The following BLOC1S6 variants were observed in gnomAD, a reference collection of about 807,000 sequenced individuals.
The protein encoded by BLOC1S6 is biogenesis of lysosome-related organelles complex 1 subunit 6.
In BLOC1S6, 24 loss-of-function variants were observed where a neutral mutation model predicts 24.7. The observed-to-expected ratio is 0.97, with a 90% CI of 0.70 to 1.37. The LOEUF is 1.37. Among genes scored for constraint, BLOC1S6 ranks in the 40% most tolerant of loss-of-function variants. BLOC1S6 has a pLI of 0.00. For synonymous variants in BLOC1S6, 76 were observed against 72.6 expected (o/e 1.05, Z -0.23); for missense variants, 175 against 196.2 (o/e 0.89, Z 0.64).
chr15:45,606,834 G>T lies in BLOC1S6; in HGVS notation c.*320G>T. The T allele has an allele frequency of 6.8e-6, 2 of 295,982 alleles. No individual in the cohort carries two copies. Among genetic ancestry groups the T allele is most frequent in the South Asian group, 5.3e-5 (1 of 18,836 alleles). 18.3% of individuals were successfully genotyped at this position (295,982 alleles called of 1,614,324 possible). On this transcript the variant is annotated 3_prime_UTR_variant, in exon 5 of 5. Coordinates refer to ENST00000220531, the MANE Select transcript of BLOC1S6 (RefSeq NM_012388.4). The stretch of plus-strand genomic sequence containing the variant: ...GTTAAAAATTAGTATGAATTTTTTA[G>T]CTTCTTAATGAATATGGATTTAAAA...
At chr15:45,600,980 C>T (rs1894251098) in intron 2 of BLOC1S6, among the ~76,000 whole-genome samples, 1 of 152,150 alleles carries the variant, frequency 6.6e-6, no homozygotes. Flanking sequence ...GTGGGTCATT[C>T]ATTGTCCAAA....
In BLOC1S6 at chr15:45,606,968, A is replaced by G. The variant is rs912568636; in HGVS notation, c.*454A>G. The G allele has an allele frequency of 5.6e-6, 1 of 177,094 alleles. No individual in the cohort carries two copies. The highest frequency in any genetic ancestry group is 1.6e-4 in the East Asian group (1 of 6,222). 11.0% of individuals were successfully genotyped at this position (177,094 alleles called of 1,614,324 possible). A position where few individuals can be genotyped will look rare whatever the true frequency, so the allele number is the denominator to read the frequency against. Reference sequence around the variant, plus strand: ...GTTAAGAAGAAATGCCAGCTGTTTAATCACACCTACCCCTGGAAAAGAGGT... The same window carrying G: ...GTTAAGAAGAAATGCCAGCTGTTTAGTCACACCTACCCCTGGAAAAGAGGT... On this transcript the variant is annotated 3_prime_UTR_variant, in exon 5 of 5. Transcript: ENST00000220531.
chr15:45,589,300 A>G (rs1204847955), intron 1 of BLOC1S6, among the ~76,000 whole-genome samples: 1 of 152,248 alleles, frequency 6.6e-6, no homozygotes, highest in Non-Finnish European at 1.5e-5. Context: ...ATACGCAAAG[A>G]CAATTTCTGG....
At chr15:45,603,055 C>T (rs1341830529) in intron 2 of BLOC1S6, 45 bp from the exon 3 acceptor site, 10 of 1,336,702 alleles carry the variant, frequency 7.5e-6, no homozygotes, top group African/African-American at 1.4e-5. Context: ...TGGACCGGCA[C>T]TTTAAATATG....
intron 1 of BLOC1S6, 64 bp downstream of exon 1, chr15:45,587,589 T>A: frequency 6.9e-7 from 1 of 1,449,546 alleles, no homozygotes; most frequent in Non-Finnish European, 9.4e-7. Flanking sequence ...CCTGAGTGAG[T>A]AGAACTCCGG....
intron 2 of BLOC1S6, among the ~76,000 whole-genome samples, chr15:45,597,384 C>G (rs576540405): frequency 2.6e-5 from 4 of 152,088 alleles, no homozygotes; most frequent in Non-Finnish European, 5.9e-5. Flanking sequence ...GAGGCTGAGG[C>G]AGGGGATCCC....
intron 4 of BLOC1S6, among the ~76,000 whole-genome samples, chr15:45,606,160 G>C (rs1402624446): frequency 6.6e-6 from 1 of 151,992 alleles, no homozygotes; most frequent in African/African-American, 2.4e-5. Flanking sequence ...CTAATAGCTG[G>C]GCTGATAGGC....
chr15:45,592,980 C>T (rs1893938456), intron 2 of BLOC1S6, among the ~76,000 whole-genome samples: 1 of 152,140 alleles, frequency 6.6e-6, no homozygotes, highest in African/African-American at 2.4e-5. Flanking sequence ...GAGACCTACC[C>T]TTTGAAAACT....
At chr15:45,591,877 C>A in intron 1 of BLOC1S6, 1 of 449,850 alleles carries the variant, frequency 2.2e-6, no homozygotes, top group Non-Finnish European at 4.0e-6. Flanking sequence ...AAGAAGGATA[C>A]CTGTGGTTGG....
In BLOC1S6 at chr15:45,607,009, T is replaced by C. The variant is rs1894491835; in HGVS notation, c.*495T>C. ...GAAAAGAGGTAAACCTTTTGAACAG[T>C]TGAATTTCATCAGAAGCTCTATAGC... is the stretch of plus-strand genomic sequence containing the variant. On this transcript the variant is annotated 3_prime_UTR_variant, in exon 5 of 5. Transcript: ENST00000220531. The C allele has an allele frequency of 1.3e-5, 2 of 155,832 alleles. No homozygotes were observed. Among genetic ancestry groups the C allele is most frequent in the African/African-American group, 4.8e-5 (2 of 41,480 alleles). 9.7% of individuals were successfully genotyped at this position (155,832 alleles called of 1,614,324 possible). A position where few individuals can be genotyped will look rare whatever the true frequency, so the allele number is the denominator to read the frequency against.
rs374780869 is a variant in BLOC1S6, at chr15:45,604,054, T to C, written c.312+867T>C. On this transcript the variant is annotated intron_variant, in intron 3 of 4. Transcript: ENST00000220531. ...AGGAACTTGTTTTGCTACCTTTATT[T>C]TCTGATGAACATTAAAAATAGTTTT... Among the ~76,000 whole-genome samples, 11 of 152,244 alleles carry C rather than the reference T, an allele frequency of 7.2e-5. No individual in the cohort carries two copies. The East Asian group carries it at 1.5e-3, about 21-fold the overall frequency.
intron 1 of BLOC1S6, among the ~76,000 whole-genome samples, chr15:45,591,395 G>A (rs953674164): frequency 2.0e-5 from 3 of 152,054 alleles, no homozygotes; most frequent in East Asian, 1.9e-4. Context: ...CGTTACCCAC[G>A]TTTTGGCCTC....
intron 1 of BLOC1S6, among the ~76,000 whole-genome samples, chr15:45,590,862 G>A (rs1173070246): frequency 1.3e-5 from 2 of 152,118 alleles, no homozygotes; most frequent in African/African-American, 4.8e-5. Flanking sequence ...ATGTTTCAGA[G>A]TTTAATATTA....
intron 1 of BLOC1S6, among the ~76,000 whole-genome samples, chr15:45,589,933 AATGT>A (rs1893822455): frequency 2.0e-5 from 3 of 152,314 alleles, no homozygotes; most frequent in African/African-American, 7.2e-5. Context: ...TGTGAGTTAA[AATGT>A]ATGTATATAT....
intron 2 of BLOC1S6, among the ~76,000 whole-genome samples, chr15:45,597,517 A>G (rs781215122): frequency 3.9e-5 from 6 of 152,166 alleles, no homozygotes; most frequent in Non-Finnish European, 7.4e-5. Flanking sequence ...TACTTGGAGT[A>G]TCTCTCTATT....
At chr15:45,601,626 A>G (rs1894272505) in intron 2 of BLOC1S6, among the ~76,000 whole-genome samples, 1 of 148,260 alleles carries the variant, frequency 6.7e-6, no homozygotes, top group African/African-American at 2.7e-5. Flanking sequence ...GAATAATACT[A>G]ATACTTTGGG....
At chr15:45,598,109 C>G (rs1353030192) in intron 2 of BLOC1S6, 2 of 155,088 alleles carry the variant, frequency 1.3e-5, no homozygotes, top group African/African-American at 4.8e-5. Context: ...TCAATAGATG[C>G]AAAAAGCCTT....
In BLOC1S6 at chr15:45,606,499, A is replaced by G; in HGVS notation, c.504A>G (p.Pro168=). 1 of 1,614,160 alleles carries G rather than the reference A, an allele frequency of 6.2e-7. No individual in the cohort carries two copies. The highest frequency in any genetic ancestry group is 8.5e-7 in the Non-Finnish European group (1 of 1,180,030). ...FEREKQLTAR[P]AKRM Reference sequence around the variant, plus strand: ...GAGAAAAGCAGTTAACTGCCAGACCAGCCAAAAGGATGTGAAAAGTTGTGT... The same window carrying G: ...GAGAAAAGCAGTTAACTGCCAGACCGGCCAAAAGGATGTGAAAAGTTGTGT... Residue 168 remains proline, a synonymous_variant, in exon 5 of 5, where the codon CCA becomes CCG. Coordinates refer to ENST00000220531, the MANE Select transcript of BLOC1S6 (RefSeq NM_012388.4).
At position 45,607,103 on chromosome 15, in the gene BLOC1S6, T is replaced by G. The variant is rs753529567; in HGVS notation, c.*589T>G. 2 of 152,768 alleles carry G rather than the reference T, an allele frequency of 1.3e-5. No individual in the cohort carries two copies. The highest frequency in any genetic ancestry group is 6.5e-5 in the Admixed American group (1 of 15,328). 9.5% of individuals were successfully genotyped at this position (152,768 alleles called of 1,614,324 possible). ...GAATTAACAAAAATAAGGAACTTGT[T>G]GCTACCTTTCTTTTCTGTTGAACAT... On this transcript the variant is annotated 3_prime_UTR_variant, in exon 5 of 5. Coordinates refer to ENST00000220531, the MANE Select transcript of BLOC1S6 (RefSeq NM_012388.4).
Sources: gnomAD v4.1 joint callset for allele counts (sites outside exome capture counted in the v4.1 genomes callset) on GRCh38, gnomAD v4.1.1 for gene constraint, MANE v1.5 for transcripts, NCBI Gene and HGNC (gene_info 2026-07-23, HGNC 2026-07-21) for gene names.